The following BNIP3L variants were observed in gnomAD, a reference collection of about 807,000 sequenced individuals.
BNIP3L encodes BCL2/adenovirus E1B 19 kDa protein-interacting protein 3-like.
Under a neutral mutation model 25.5 loss-of-function variants are expected in BNIP3L, and 10 were observed. The observed-to-expected ratio is 0.39, with a 90% CI of 0.24 to 0.67. The LOEUF (loss-of-function observed/expected upper bound fraction) is 0.67, where lower values mean the gene tolerates loss of function less well. Ranked by LOEUF, BNIP3L falls within the 30% of genes least tolerant of loss-of-function variation. BNIP3L has a pLI of 0.45. For missense variants in BNIP3L, 215 were observed against 270.9 expected (o/e 0.79, Z 1.45); for synonymous variants, 113 against 101.2 (o/e 1.12, Z -0.70).
At chr8:26,402,856 T>G (rs1211158210) in intron 3 of BNIP3L, among the ~76,000 whole-genome samples, 1 of 152,230 alleles carries the variant, frequency 6.6e-6, no homozygotes. Context: ...CTGCATACGT[T>G]TTTCCCTTAA....
At chr8:26,405,838 T>A (rs1806487906) in intron 3 of BNIP3L, among the ~76,000 whole-genome samples, 1 of 150,696 alleles carries the variant, frequency 6.6e-6, no homozygotes, top group African/African-American at 2.4e-5. Flanking sequence ...AGGTCAGGAG[T>A]TCGAGACCAG....
chr8:26,390,402 C>T (rs1008382847), intron 1 of BNIP3L: 34 of 985,266 alleles, frequency 3.5e-5, no homozygotes, highest in Middle Eastern at 5.2e-4. Context: ...GAAAACTTTT[C>T]GTGTTTGCCT....
intron 1 of BNIP3L, chr8:26,390,243 T>G: frequency 1.5e-6 from 1 of 666,786 alleles, no homozygotes; most frequent in Non-Finnish European, 1.9e-6. Context: ...TGTGAGCCAC[T>G]GTACCTGGCC....
intron 1 of BNIP3L, among the ~76,000 whole-genome samples, chr8:26,388,764 A>T (rs1806044111): frequency 6.6e-6 from 1 of 152,056 alleles, no homozygotes; most frequent in Non-Finnish European, 1.5e-5. Context: ...GAAGCCCAGG[A>T]GTTTGAGACC....
chr8:26,389,290 A>C (rs548342186), intron 1 of BNIP3L, among the ~76,000 whole-genome samples: 11 of 152,058 alleles, frequency 7.2e-5, no homozygotes, highest in Non-Finnish European at 1.6e-4. Flanking sequence ...TTATATACAT[A>C]TTCTCTCCCC....
intron 5 of BNIP3L, among the ~76,000 whole-genome samples, chr8:26,408,986 CTT>C (rs923919800): frequency 4.6e-5 from 7 of 150,992 alleles, no homozygotes; most frequent in Non-Finnish European, 8.8e-5. Flanking sequence ...AATATTTAAT[CTT>C]GAGTAATTTA....
Position 26,403,149 on chromosome 8 carries a change from G to A in BNIP3L, c.358-4851G>A, listed in dbSNP as rs543568830. 1.2e-4 allele frequency among the ~76,000 whole-genome samples: 18 copies of A among 152,202 alleles called. No individual in the cohort carries two copies. The South Asian group carries it at 2.9e-3, about 25-fold the overall frequency. Reference sequence around the variant, plus strand: ...CTTACTTTATGTTGACAATCAGATCGGTCAGTTTCAACAAAGGGAAGAGTT... The same window carrying A: ...CTTACTTTATGTTGACAATCAGATCAGTCAGTTTCAACAAAGGGAAGAGTT... On this transcript the variant is annotated intron_variant, in intron 3 of 5. Transcript: ENST00000380629.
chr8:26,390,240 C>A, intron 1 of BNIP3L: 1 of 616,914 alleles, frequency 1.6e-6, no homozygotes, highest in Non-Finnish European at 2.0e-6. Flanking sequence ...ATGTGTGAGC[C>A]ACTGTACCTG....
rs1045001133 is a variant in BNIP3L at position 26,410,663 on chromosome 8, G to T, written c.*251G>T. 4.9e-5 allele frequency: 24 copies of T among 491,238 alleles called. 1 individual carries two copies. Among genetic ancestry groups the T allele is most frequent in the South Asian group, 1.2e-4 (5 of 41,554 alleles). 30.4% of individuals were successfully genotyped at this position (491,238 alleles called of 1,614,324 possible). On this transcript the variant is annotated 3_prime_UTR_variant, in exon 6 of 6. Transcript: ENST00000380629. ...AGAGTTTACTGTTGTTTAGAAATTT[G>T]CAAGGGCTTCTTTTCCGCAAATGCC... is the stretch of plus-strand genomic sequence containing the variant.
At chr8:26,400,257 G>A (rs1223669245) in intron 3 of BNIP3L, among the ~76,000 whole-genome samples, 3 of 151,186 alleles carry the variant, frequency 2.0e-5, no homozygotes, top group Admixed American at 1.3e-4. Flanking sequence ...CAGAAATAAC[G>A]CCGCTTACCT....
chr8:26,383,450 T>G (rs934327240), intron 1 of BNIP3L: 1 of 1,355,264 alleles, frequency 7.4e-7, no homozygotes, highest in African/African-American at 1.5e-5. Flanking sequence ...CCCGGGGCCG[T>G]TTGGGCTCGC....
intron 3 of BNIP3L, among the ~76,000 whole-genome samples, chr8:26,401,072 A>AT: frequency 2.2e-5 from 3 of 138,080 alleles, no homozygotes; most frequent in Non-Finnish European, 4.8e-5. Context: ...CTGGGTATAT[A>AT]CCCAAATGAC....
At chr8:26,390,231 T>A (rs1806073715) in intron 1 of BNIP3L, 2 of 539,972 alleles carry the variant, frequency 3.7e-6, no homozygotes, top group African/African-American at 4.1e-5. Context: ...TGGGATTACA[T>A]GTGTGAGCCA....
At chr8:26,384,726 C>CTTTTT (rs1563336450) in intron 1 of BNIP3L, among the ~76,000 whole-genome samples, 1 of 95,656 alleles carries the variant, frequency 1.0e-5, no homozygotes. Context: ...CTTTTGAGGA[C>CTTTTT]ATTTTTTTTT....
intron 1 of BNIP3L, chr8:26,390,446 C>T: frequency 1.0e-5 from 10 of 985,268 alleles, no homozygotes; most frequent in Non-Finnish European, 1.2e-5. Flanking sequence ...GCTCCCAAAT[C>T]AACAGGGTTT....
At chr8:26,386,461 G>T (rs1805994954) in intron 1 of BNIP3L, among the ~76,000 whole-genome samples, 1 of 151,930 alleles carries the variant, frequency 6.6e-6, no homozygotes, top group East Asian at 1.9e-4. Context: ...TTGAGACAGG[G>T]TCTTGCTTTG....
intron 3 of BNIP3L, among the ~76,000 whole-genome samples, chr8:26,401,000 C>CA (rs1806357699): frequency 7.3e-6 from 1 of 137,562 alleles, no homozygotes; most frequent in Admixed American, 7.4e-5. Flanking sequence ...TTGTGGAAGT[C>CA]AGTGTGGCGA....
chr8:26,383,385 G>C, intron 1 of BNIP3L, 155 bp downstream of exon 1: 1 of 1,448,608 alleles, frequency 6.9e-7, no homozygotes. Flanking sequence ...CCCCTGTCAA[G>C]AGGAGGGGCG....
At position 26,410,673 on chromosome 8, in the gene BNIP3L, C is replaced by T; in HGVS notation, c.*261C>T. On this transcript the variant is annotated 3_prime_UTR_variant, in exon 6 of 6. Transcript: ENST00000380629. ...GTTGTTTAGAAATTTGCAAGGGCTT[C>T]TTTTCCGCAAATGCCACCAGCAGAT... The T allele has an allele frequency of 2.1e-6, 1 of 471,512 alleles. No homozygotes were observed. Among genetic ancestry groups the T allele is most frequent in the South Asian group, 2.4e-5 (1 of 41,434 alleles). The allele number at this position is 471,512 out of a possible 1,614,324, so 29.2% of individuals were successfully genotyped here. A position where few individuals can be genotyped will look rare whatever the true frequency, so the allele number is the denominator to read the frequency against.
Sources: gnomAD v4.1 joint callset for allele counts (sites outside exome capture counted in the v4.1 genomes callset) on GRCh38, gnomAD v4.1.1 for gene constraint, MANE v1.5 for transcripts, NCBI Gene and HGNC (gene_info 2026-07-23, HGNC 2026-07-21) for gene names.